CARNMT1: variants seen among roughly 807,000 people sequenced by gnomAD.
The protein encoded by CARNMT1 is carnosine N-methyltransferase 1.
CARNMT1 carries 28 observed loss-of-function variants against 49.6 expected under a neutral mutation model. The ratio of observed to expected loss-of-function variants is 0.56; its 90% CI spans 0.42 to 0.77. CARNMT1 has a LOEUF of 0.77. CARNMT1 is among the 30% of genes least tolerant of loss of function. The pLI, the probability that CARNMT1 is intolerant of heterozygous loss-of-function variation, is 0.00. For synonymous variants in CARNMT1, 178 were observed against 175.0 expected, an observed-to-expected ratio of 1.02 and a Z score of -0.13; for missense variants, 421 against 512.6, an observed-to-expected ratio of 0.82 and a Z score of 1.73.
chr9:75,018,430 G>A (rs1453951146), intron 1 of CARNMT1, among the ~76,000 whole-genome samples: 1 of 152,062 alleles, frequency 6.6e-6, no homozygotes, highest in Non-Finnish European at 1.5e-5. Context: ...TGACAAGATG[G>A]CCAAAATTTA....
chr9:75,007,491 G>A (rs1833545079), intron 3 of CARNMT1, among the ~76,000 whole-genome samples: 1 of 152,062 alleles, frequency 6.6e-6, no homozygotes, highest in South Asian at 2.1e-4. Flanking sequence ...CACTTGGAGA[G>A]GCCAAGGTGG....
intron 3 of CARNMT1, among the ~76,000 whole-genome samples, chr9:75,002,036 T>C (rs999177495): frequency 1.3e-5 from 2 of 152,126 alleles, no homozygotes; most frequent in Non-Finnish European, 2.9e-5. Flanking sequence ...GGCCCAAATG[T>C]GGAGAAGCAG....
chr9:75,023,005 G>C (rs1245202276), intron 1 of CARNMT1, among the ~76,000 whole-genome samples: 1 of 152,092 alleles, frequency 6.6e-6, no homozygotes, highest in Non-Finnish European at 1.5e-5. Flanking sequence ...AGCCAGGCAT[G>C]GTGGCATGCG....
intron 3 of CARNMT1, among the ~76,000 whole-genome samples, chr9:75,004,155 G>A (rs1257592675): frequency 6.6e-6 from 1 of 152,236 alleles, no homozygotes; most frequent in Non-Finnish European, 1.5e-5. Flanking sequence ...GATTACAGGC[G>A]TGAGCCACGG....
At chr9:74,985,483 C>T (rs1366096206) in intron 6 of CARNMT1, among the ~76,000 whole-genome samples, 14 of 152,014 alleles carry the variant, frequency 9.2e-5, no homozygotes, top group African/African-American at 3.1e-4. Context: ...TTAGAGCTGG[C>T]TTTTATTTTT....
chr9:75,014,768 G>T lies in CARNMT1; in HGVS notation c.590+1500C>A, dbSNP rs557982392. 4.6e-5 allele frequency among the ~76,000 whole-genome samples: 7 copies of T among 152,216 alleles called. No individual in the cohort carries two copies. In the South Asian group the frequency reaches 1.2e-3, roughly 27 times the overall value. On this transcript the variant is annotated intron_variant, in intron 3 of 7. Transcript: ENST00000376834. The stretch of plus-strand genomic sequence containing the variant: ...AGGCTGAGGAACAAGAATCACTTGA[G>T]CCCAGGAGGCGGAGGTTGCAGTAAG...
chr9:75,007,737 AAAAATAAT>A lies in CARNMT1; in HGVS notation c.591-7875_591-7868del. On this transcript the variant is annotated intron_variant, in intron 3 of 7. Transcript: ENST00000376834. ...GAGCGAGACCCTGTCTCAAAAAAAT[AAAAATAAT>A]AAAAAAAAAAAAACTAAGAAAATTC... Among the ~76,000 whole-genome samples the A allele has an allele frequency of 1.3e-4, 8 of 60,518 alleles. 1 individual carries two copies. The highest frequency in any genetic ancestry group is 3.4e-4 in the Non-Finnish European group (8 of 23,216). The allele number at this position is 60,518 out of a possible 152,430, so 39.7% of individuals were successfully genotyped here. A position where few individuals can be genotyped will look rare whatever the true frequency, so the allele number is the denominator to read the frequency against.
chr9:75,008,306 G>T (rs1238329052), intron 3 of CARNMT1, among the ~76,000 whole-genome samples: 2 of 151,160 alleles, frequency 1.3e-5, no homozygotes, highest in African/African-American at 2.4e-5. Flanking sequence ...TGATTTAAAA[G>T]AATTAAATAC....
intron 7 of CARNMT1, 77 bp downstream of exon 7, chr9:74,984,830 C>T: frequency 2.2e-6 from 2 of 900,592 alleles, no homozygotes; most frequent in Non-Finnish European, 3.6e-6. Context: ...CAAATAGTCA[C>T]TAACAGCCAT....
intron 3 of CARNMT1, among the ~76,000 whole-genome samples, chr9:75,007,639 G>C (rs906871389): frequency 6.7e-6 from 1 of 149,192 alleles, no homozygotes; most frequent in African/African-American, 2.5e-5. Flanking sequence ...TGAGGCAGGA[G>C]AATCACTTGA....
chr9:75,019,898 T>C (rs535312440), intron 1 of CARNMT1, among the ~76,000 whole-genome samples: 1 of 152,298 alleles, frequency 6.6e-6, no homozygotes, highest in Admixed American at 6.5e-5. Flanking sequence ...TAAATATATT[T>C]TGGCAGAAAT....
Position 74,983,664 on chromosome 9 carries a change from G to C in CARNMT1, c.*103C>G. The C allele has an allele frequency of 1.6e-6, 1 of 623,872 alleles. No homozygotes were observed. Among genetic ancestry groups the C allele is most frequent in the Non-Finnish European group, 2.8e-6 (1 of 353,378 alleles). 38.6% of individuals were successfully genotyped at this position (623,872 alleles called of 1,614,324 possible). ...TCGTTAGGAATAAGAAGGCACCACTGATTTGAGGTTGTGTCCTGTCATCAC... is the reference window on the plus strand; with the variant it reads ...TCGTTAGGAATAAGAAGGCACCACTCATTTGAGGTTGTGTCCTGTCATCAC... On this transcript the variant is annotated 3_prime_UTR_variant, in exon 8 of 8. Coordinates refer to ENST00000376834, the MANE Select transcript of CARNMT1 (RefSeq NM_152420.3).
At chr9:75,021,259 AGTATATAT>A (rs892000572) in intron 1 of CARNMT1, among the ~76,000 whole-genome samples, 172 of 143,850 alleles carry the variant, frequency 1.2e-3, no homozygotes, top group Middle Eastern at 7.3e-3. Context: ...GTATATACAT[AGTATATAT>A]GTATATATAC....
At position 74,983,155 on chromosome 9, in the gene CARNMT1, G is replaced by C. The variant is rs1442336298; in HGVS notation, c.*612C>G. On this transcript the variant is annotated 3_prime_UTR_variant, in exon 8 of 8. Transcript: ENST00000376834. ...ACTCAGGAGGCTAAGGCTAAGGCAG[G>C]AAGATCGCTTGAGTCCAGGAGTTTG... The C allele has an allele frequency of 6.6e-6, 1 of 151,682 alleles. No homozygotes were observed. Among genetic ancestry groups the C allele is most frequent in the African/African-American group, 2.4e-5 (1 of 41,246 alleles). The allele number at this position is 151,682 out of a possible 1,614,324, so 9.4% of individuals were successfully genotyped here. A position where few individuals can be genotyped will look rare whatever the true frequency, so the allele number is the denominator to read the frequency against.
Position 74,982,660 on chromosome 9 carries a change from T to C in CARNMT1, c.*1107A>G, listed in dbSNP as rs1674437836. 1.3e-5 allele frequency: 2 copies of C among 152,168 alleles called. No individual in the cohort carries two copies. Among genetic ancestry groups the C allele is most frequent in the African/African-American group, 4.8e-5 (2 of 41,438 alleles). 9.4% of individuals were successfully genotyped at this position (152,168 alleles called of 1,614,324 possible). The stretch of plus-strand genomic sequence containing the variant: ...ATACTATTATGACAGTTTTTCCTAG[T>C]ATATAATTTTTTTAATGAAAAAAGT... On this transcript the variant is annotated 3_prime_UTR_variant, in exon 8 of 8. Transcript: ENST00000376834.
At position 75,016,408 on chromosome 9, in the gene CARNMT1, T is replaced by C. The variant is rs751816424; in HGVS notation, c.450A>G (p.Ala150=). 3 of 1,614,038 alleles carry C rather than the reference T, an allele frequency of 1.9e-6. No individual in the cohort carries two copies. The highest frequency in any genetic ancestry group is 2.5e-6 in the Non-Finnish European group (3 of 1,180,002). ...TTAACTTATCCATGTCAAATGTAGA[T>C]GCTGGCATAATCTTTCCATTCCCCT... The part of the protein sequence containing the change: ...GEDGNGKIMP[A]STFDMDKLKS... Residue 150 remains alanine (A), a synonymous_variant, in exon 3 of 8, where the codon GCA becomes GCG. Coordinates refer to ENST00000376834, the MANE Select transcript of CARNMT1 (RefSeq NM_152420.3).
rs1490098698 is a variant in CARNMT1 at position 75,017,351 on chromosome 9, C to T, written c.328G>A (p.Asp110Asn). 1 of 1,613,976 alleles carries T rather than the reference C, an allele frequency of 6.2e-7. No individual in the cohort carries two copies. The highest frequency in any genetic ancestry group is 2.2e-5 in the East Asian group (1 of 44,846). Residue 110 changes from aspartate (D) to asparagine (N), a missense_variant, in exon 2 of 8, where the codon GAC (aspartate) becomes AAC (asparagine). Asp to Asn is a conservative substitution (Grantham distance 23). Around this residue, in one of 2 missense-constraint regions of CARNMT1, gnomAD observed 186 missense variants for 167.9 expected, o/e 1.11. Transcript: ENST00000376834. Reference protein sequence around the residue: ...KLLPQFLLHLDKIRKCIDHNQ... With the variant: ...KLLPQFLLHLNKIRKCIDHNQ... ...TGATCAATGCATTTCCGGATCTTGTCCAAGTGAAGAAGAAACTGAGGAAGT... is the reference window on the plus strand; with the variant it reads ...TGATCAATGCATTTCCGGATCTTGTTCAAGTGAAGAAGAAACTGAGGAAGT...
chr9:74,994,606 G>T (rs532981886), intron 6 of CARNMT1, among the ~76,000 whole-genome samples: 2 of 152,314 alleles, frequency 1.3e-5, no homozygotes, highest in East Asian at 1.9e-4. Flanking sequence ...GAAAAGCCAT[G>T]AGATTAGGTA....
intron 3 of CARNMT1, among the ~76,000 whole-genome samples, chr9:75,010,608 G>C (rs532526962): frequency 6.6e-6 from 1 of 152,250 alleles, no homozygotes; most frequent in East Asian, 1.9e-4. Flanking sequence ...CATGTAACTG[G>C]AATACCAGAA....
Sources: allele counts gnomAD v4.1 joint callset (sites outside exome capture counted in the v4.1 genomes callset), GRCh38; gene constraint gnomAD v4.1.1; regional missense constraint gnomAD v4.1.1; transcripts MANE v1.5; gene names NCBI Gene and HGNC (gene_info 2026-07-23, HGNC 2026-07-21).